The following GABRB2 variants were observed in gnomAD, a reference collection of about 807,000 sequenced individuals.
GABRB2 encodes the protein gamma-aminobutyric acid receptor subunit beta-2.
Under a neutral mutation model 54.7 loss-of-function variants are expected in GABRB2, and 16 were observed. The observed-to-expected ratio is 0.29, with a 90% CI of 0.20 to 0.44. GABRB2 has a LOEUF of 0.44. Ranked by LOEUF, GABRB2 falls within the 20% of genes least tolerant of loss-of-function variation. The pLI, the probability that GABRB2 is intolerant of heterozygous loss-of-function variation, is 1.00. For missense variants in GABRB2, 355 were observed against 644.0 expected (o/e 0.55, Z 4.86); for synonymous variants, 244 against 233.8 (o/e 1.04, Z -0.40).
At chr5:161,409,842 G>T (rs1285489322) in intron 5 of GABRB2, among the ~76,000 whole-genome samples, 1 of 151,930 alleles carries the variant, frequency 6.6e-6, no homozygotes, top group Non-Finnish European at 1.5e-5. Flanking sequence ...AAATCCTATG[G>T]ACTAATTTCA....
At position 161,336,732 on chromosome 5, in the gene GABRB2, A is replaced by C; in HGVS notation, c.579T>G (p.Arg193=). 1 of 1,613,084 alleles carries C rather than the reference A, an allele frequency of 6.2e-7. No homozygotes were observed. The highest frequency in any genetic ancestry group is 1.1e-5 in the South Asian group (1 of 91,044). The change falls in exon 6 of 10, where the codon CGT becomes CGG. Residue 193 remains arginine (R), a synonymous_variant. Coordinates refer to ENST00000393959, the MANE Select transcript of GABRB2 (RefSeq NM_001371727.1). The stretch of plus-strand genomic sequence containing the variant: ...CTCCTGTTACTGCATTATCATCGCC[A>C]CGCCAGTAAAACTCAATGTCATCAG... ...YTTDDIEFYW[R]GDDNAVTGVT...
intron 4 of GABRB2, among the ~76,000 whole-genome samples, chr5:161,426,336 C>G (rs1031820348): frequency 6.6e-6 from 1 of 152,094 alleles, no homozygotes; most frequent in African/African-American, 2.4e-5. Context: ...GAAATCATTT[C>G]ATTCCTTCAG....
upstream of GABRB2, chr5:161,548,061 C>G (rs1439210804): frequency 6.5e-6 from 1 of 152,980 alleles, no homozygotes; most frequent in South Asian, 2.1e-4. Flanking sequence ...CCCCTCACCT[C>G]CGGAGGCACT....
rs1157927870 is a variant in GABRB2, at chr5:161,492,603, T to C, written c.238-32759A>G. Among the ~76,000 whole-genome samples, 8 of 151,080 alleles carry C rather than the reference T, an allele frequency of 5.3e-5. No homozygotes were observed. In the Admixed American group the frequency reaches 5.3e-4, roughly 10 times the overall value. The stretch of plus-strand genomic sequence containing the variant: ...GTGTGTGTGTGCTTTTTACCCACAC[T>C]ACACAGATGTATGTTAGTTGTAATT... On this transcript the variant is annotated intron_variant, in intron 3 of 9. Transcript: ENST00000393959.
chr5:161,339,506 C>G (rs1373185369), intron 5 of GABRB2, among the ~76,000 whole-genome samples: 1 of 151,972 alleles, frequency 6.6e-6, no homozygotes, highest in African/African-American at 2.4e-5. Flanking sequence ...GATAAGCATT[C>G]CAGATAATTC....
chr5:161,433,445 CAAA>C (rs11354322), intron 4 of GABRB2, among the ~76,000 whole-genome samples: 3 of 121,830 alleles, frequency 2.5e-5, no homozygotes, highest in Admixed American at 8.3e-5. Context: ...ACTAAAAATA[CAAA>C]AAAAAAAAAA....
chr5:161,400,071 G>T (rs1220917827), intron 5 of GABRB2, among the ~76,000 whole-genome samples: 1 of 152,132 alleles, frequency 6.6e-6, no homozygotes, highest in Non-Finnish European at 1.5e-5. Context: ...TCTATGGAAA[G>T]AAAAATATCT....
intron 5 of GABRB2, among the ~76,000 whole-genome samples, chr5:161,354,361 T>C (rs535804561): frequency 2.0e-5 from 3 of 152,164 alleles, no homozygotes; most frequent in Admixed American, 2.0e-4. Flanking sequence ...TATTCTTAGA[T>C]ATGGGGTATC....
chr5:161,378,533 G>T (rs1423018806), intron 5 of GABRB2, among the ~76,000 whole-genome samples: 1 of 152,024 alleles, frequency 6.6e-6, no homozygotes, highest in Non-Finnish European at 1.5e-5. Flanking sequence ...GGTTCTAGGG[G>T]CAAAGACATG....
intron 9 of GABRB2, among the ~76,000 whole-genome samples, chr5:161,305,862 G>GT (rs1207314868): frequency 6.6e-6 from 1 of 152,190 alleles, no homozygotes; most frequent in East Asian, 1.9e-4. Context: ...AAGGAGCTAT[G>GT]TTTTTTTCCC....
intron 3 of GABRB2, among the ~76,000 whole-genome samples, chr5:161,509,893 T>TAATCTATAAC (rs1433792498): frequency 1.9e-4 from 29 of 152,090 alleles, no homozygotes; most frequent in African/African-American, 5.8e-4. Flanking sequence ...TCTATAACAT[T>TAATCTATAAC]AATCTATAAC....
chr5:161,460,307 T>C (rs1414820948), intron 3 of GABRB2, among the ~76,000 whole-genome samples: 3 of 152,018 alleles, frequency 2.0e-5, no homozygotes, highest in Non-Finnish European at 2.9e-5. Flanking sequence ...TGTGTATGTA[T>C]GGCCACAAAT....
chr5:161,476,867 G>C (rs776403106), intron 3 of GABRB2, among the ~76,000 whole-genome samples: 5 of 151,862 alleles, frequency 3.3e-5, no homozygotes, highest in Admixed American at 6.6e-5. Context: ...AAAGTTTCAT[G>C]ACATTGGATT....
chr5:161,400,951 G>A (rs902461218), intron 5 of GABRB2, among the ~76,000 whole-genome samples: 2 of 152,120 alleles, frequency 1.3e-5, no homozygotes, highest in Admixed American at 1.3e-4. Flanking sequence ...GGGTAAAAAT[G>A]TAATAGGGGG....
At chr5:161,451,692 G>T (rs1455960118) in intron 4 of GABRB2, among the ~76,000 whole-genome samples, 1 of 152,142 alleles carries the variant, frequency 6.6e-6, no homozygotes, top group Non-Finnish European at 1.5e-5. Flanking sequence ...TATCATGGAT[G>T]AAGAATGATG....
At chr5:161,509,459 A>C (rs1453971765) in intron 3 of GABRB2, among the ~76,000 whole-genome samples, 1 of 151,768 alleles carries the variant, frequency 6.6e-6, no homozygotes, top group African/African-American at 2.4e-5. Context: ...AAATCAGTTA[A>C]GGCATCACTT....
At chr5:161,364,571 T>C (rs901610301) in intron 5 of GABRB2, among the ~76,000 whole-genome samples, 1 of 152,192 alleles carries the variant, frequency 6.6e-6, no homozygotes, top group East Asian at 1.9e-4. Flanking sequence ...TTAAAATGTC[T>C]CTACTCCAAC....
chr5:161,383,465 G>C (rs1006927916), intron 5 of GABRB2, among the ~76,000 whole-genome samples: 2 of 151,718 alleles, frequency 1.3e-5, no homozygotes, highest in Non-Finnish European at 2.9e-5. Context: ...TACCCAGCTT[G>C]AAGTATTATC....
chr5:161,369,747 A>G (rs1755078579), intron 5 of GABRB2, among the ~76,000 whole-genome samples: 1 of 152,192 alleles, frequency 6.6e-6, no homozygotes, highest in Non-Finnish European at 1.5e-5. Context: ...GAATTTATCC[A>G]TGTTAATATC....
Sources: gnomAD v4.1 joint callset for allele counts (sites outside exome capture counted in the v4.1 genomes callset) on GRCh38, gnomAD v4.1.1 for gene constraint, MANE v1.5 for transcripts, NCBI Gene and HGNC (gene_info 2026-07-23, HGNC 2026-07-21) for gene names.